The following PLA2G4A variants were observed in gnomAD, a reference collection of about 807,000 sequenced individuals.
The protein encoded by PLA2G4A is cytosolic phospholipase A2.
Under a neutral mutation model 81.9 loss-of-function variants are expected in PLA2G4A, and 40 were observed. That is an observed-to-expected ratio of 0.49 (90% CI 0.38 to 0.64). PLA2G4A has a LOEUF of 0.64. Among genes scored for constraint, PLA2G4A ranks in the 30% least tolerant of loss-of-function variants. The pLI is 0.00. For missense variants in PLA2G4A, 715 were observed against 905.1 expected (o/e 0.79, Z 2.69); for synonymous variants, 302 against 296.9 (o/e 1.02, Z -0.18).
intron 2 of PLA2G4A, among the ~76,000 whole-genome samples, chr1:186,866,803 A>T (rs761101391): frequency 1.3e-5 from 2 of 152,116 alleles, no homozygotes; most frequent in Non-Finnish European, 2.9e-5. Context: ...ATTATTATTG[A>T]GATGGTTCCT....
rs1049539709 is a variant in PLA2G4A, at chr1:186,907,005, A to T, written c.416+3A>T. On this transcript the variant is annotated splice_donor_region_variant and intron_variant, in intron 6 of 17. Coordinates refer to ENST00000367466, the MANE Select transcript of PLA2G4A (RefSeq NM_024420.3). ...CTAGAAATGTCTCTTGAAGTTTGGT[A>T]AGTGCATTTATTTAGTTGGATGAGA... 1 of 1,460,558 alleles carries T rather than the reference A, an allele frequency of 6.8e-7. No homozygotes were observed. 90.5% of individuals were successfully genotyped at this position (1,460,558 alleles called of 1,614,324 possible).
At chr1:186,943,791 A>C (rs969124279) in intron 10 of PLA2G4A, among the ~76,000 whole-genome samples, 1 of 152,198 alleles carries the variant, frequency 6.6e-6, no homozygotes, top group African/African-American at 2.4e-5. Context: ...ATTTGGAGGC[A>C]CCAATAGTCC....
intron 6 of PLA2G4A, among the ~76,000 whole-genome samples, chr1:186,908,968 CTTTTTTTT>C (rs1201226836): frequency 5.3e-5 from 4 of 75,090 alleles, no homozygotes; most frequent in East Asian, 4.0e-4. Flanking sequence ...CTTTTCTTTT[CTTTTTTTT>C]TTTTTTTTTT....
intron 1 of PLA2G4A, among the ~76,000 whole-genome samples, chr1:186,835,222 G>A (rs1268534228): frequency 1.3e-5 from 2 of 152,098 alleles, no homozygotes; most frequent in Admixed American, 1.3e-4. Flanking sequence ...GCAGTACACA[G>A]GCAGTAAACT....
intron 14 of PLA2G4A, among the ~76,000 whole-genome samples, chr1:186,962,486 T>TTTTATTTATTTA (rs10657628): frequency 1.4e-4 from 19 of 136,698 alleles, no homozygotes; most frequent in South Asian, 6.8e-4. Context: ...AGTTATTTTA[T>TTTTATTTATTTA]TTTATTTATT....
At chr1:186,834,738 G>C (rs1651719671) in intron 1 of PLA2G4A, among the ~76,000 whole-genome samples, 1 of 152,228 alleles carries the variant, frequency 6.6e-6, no homozygotes, top group South Asian at 2.1e-4. Context: ...CATTTCATGA[G>C]TTATGTAAAA....
chr1:186,982,992 G>A (rs912318757), intron 17 of PLA2G4A, among the ~76,000 whole-genome samples: 2 of 151,658 alleles, frequency 1.3e-5, no homozygotes, highest in Admixed American at 6.6e-5. Flanking sequence ...GCTGAGGCAG[G>A]AGAATGGTGT....
intron 1 of PLA2G4A, among the ~76,000 whole-genome samples, chr1:186,837,123 G>T (rs1311616206): frequency 6.6e-6 from 1 of 152,142 alleles, no homozygotes; most frequent in Non-Finnish European, 1.5e-5. Context: ...TGGTTCTAGA[G>T]GAAAGAGGTT....
intron 8 of PLA2G4A, among the ~76,000 whole-genome samples, chr1:186,936,760 T>A (rs1287978364): frequency 2.0e-5 from 3 of 152,010 alleles, no homozygotes; most frequent in Non-Finnish European, 4.4e-5. Flanking sequence ...AGATTTAAAA[T>A]GTCACAAAAT....
At chr1:186,863,970 C>T (rs960995868) in intron 2 of PLA2G4A, among the ~76,000 whole-genome samples, 3 of 151,906 alleles carry the variant, frequency 2.0e-5, no homozygotes, top group South Asian at 2.1e-4. Context: ...CCATATTGGC[C>T]GGGCTGGTCT....
intron 14 of PLA2G4A, among the ~76,000 whole-genome samples, chr1:186,964,650 T>G (rs1034453296): frequency 2.0e-5 from 3 of 152,222 alleles, no homozygotes; most frequent in Non-Finnish European, 4.4e-5. Context: ...CTGAAGTTAC[T>G]TACTCCTTAT....
At chr1:186,891,632 ATTCTTC>A (rs1654147523) in intron 3 of PLA2G4A, among the ~76,000 whole-genome samples, 2 of 152,172 alleles carry the variant, frequency 1.3e-5, no homozygotes, top group Non-Finnish European at 2.9e-5. Flanking sequence ...GCGAGATCTC[ATTCTTC>A]TTTATGGCTG....
chr1:186,988,739 C>T lies in PLA2G4A; in HGVS notation c.*231C>T. The T allele has an allele frequency of 2.5e-6, 1 of 406,692 alleles. No individual in the cohort carries two copies. Among genetic ancestry groups the T allele is most frequent in the Non-Finnish European group, 4.6e-6 (1 of 215,588 alleles). 25.2% of individuals were successfully genotyped at this position (406,692 alleles called of 1,614,324 possible). The stretch of plus-strand genomic sequence containing the variant: ...CTACATTTTCAGTCAGTATGAACTT[C>T]CTGATACAAATGTAGGGATATATAC... On this transcript the variant is annotated 3_prime_UTR_variant, in exon 18 of 18. Coordinates refer to ENST00000367466, the MANE Select transcript of PLA2G4A (RefSeq NM_024420.3).
At chr1:186,832,302 TA>T (rs1420604031) in intron 1 of PLA2G4A, among the ~76,000 whole-genome samples, 2 of 152,008 alleles carry the variant, frequency 1.3e-5, no homozygotes, top group African/African-American at 2.4e-5. Context: ...TTCTAGGTTC[TA>T]AAAAAAATTT....
At chr1:186,911,636 G>C (rs1294967257) in intron 7 of PLA2G4A, among the ~76,000 whole-genome samples, 1 of 152,128 alleles carries the variant, frequency 6.6e-6, no homozygotes, top group Non-Finnish European at 1.5e-5. Flanking sequence ...TTAGAGCAGT[G>C]TTAAGTTCAC....
In PLA2G4A at chr1:186,988,399, A is replaced by G; in HGVS notation, c.2141A>G (p.Glu714Gly). The G allele has an allele frequency of 1.9e-6, 3 of 1,612,140 alleles. No individual in the cohort carries two copies. Among genetic ancestry groups the G allele is most frequent in the Non-Finnish European group, 2.5e-6 (3 of 1,178,386 alleles). Residue 714 changes from glutamate to glycine, a missense_variant, in exon 18 of 18, where the codon GAA (glutamate) becomes GGA (glycine). Transcript: ENST00000367466. ...NIDVIKEAMV[E>G]SIEYRRQNPS... ...CAGGTGATAAAAGAAGCCATGGTTG[A>G]AAGCATTGAATATAGAAGACAGAAT...
At chr1:186,909,568 G>A (rs1414299705) in intron 6 of PLA2G4A, among the ~76,000 whole-genome samples, 3 of 149,900 alleles carry the variant, frequency 2.0e-5, no homozygotes, top group Non-Finnish European at 3.0e-5. Context: ...GCCGAGGCAG[G>A]AGAATCGCTG....
chr1:186,932,547 C>T (rs547320398), intron 7 of PLA2G4A, among the ~76,000 whole-genome samples: 19 of 152,104 alleles, frequency 1.2e-4, no homozygotes, highest in Admixed American at 2.6e-4. Flanking sequence ...GTGATGCACC[C>T]GCCTCGGCCT....
At chr1:186,909,422 A>G (rs1390115421) in intron 6 of PLA2G4A, among the ~76,000 whole-genome samples, 3 of 151,426 alleles carry the variant, frequency 2.0e-5, no homozygotes, top group African/African-American at 7.3e-5. Context: ...GCACTTTGGG[A>G]GGCTGAAGTG....
Sources: gnomAD v4.1 joint callset for allele counts (sites outside exome capture counted in the v4.1 genomes callset) on GRCh38, gnomAD v4.1.1 for gene constraint, MANE v1.5 for transcripts, NCBI Gene and HGNC (gene_info 2026-07-23, HGNC 2026-07-21) for gene names.